FMN2: variants seen among roughly 807,000 people sequenced by gnomAD.
FMN2 encodes the protein formin-2.
In FMN2, 51 loss-of-function variants were observed where a neutral mutation model predicts 142.3. The ratio of observed to expected loss-of-function variants is 0.36; its 90% CI spans 0.29 to 0.45. The LOEUF is 0.45. FMN2 is among the 20% of genes least tolerant of loss of function. The probability of loss-of-function intolerance (pLI) is 1.00; values close to 1 mark genes in which losing one functional copy is unlikely to be tolerated. For missense variants in FMN2, 1,936 were observed against 2,122.8 expected (o/e 0.91, Z 1.73); for synonymous variants, 882 against 869.8 (o/e 1.01, Z -0.25).
Position 240,093,228 on chromosome 1 carries a change from C to T in FMN2, c.1119C>T (p.Asp373=). The T allele has an allele frequency of 1.3e-6, 2 of 1,533,360 alleles. No homozygotes were observed. Among genetic ancestry groups the T allele is most frequent in the Non-Finnish European group, 1.8e-6 (2 of 1,141,938 alleles). The allele number at this position is 1,533,360 out of a possible 1,614,324, so 95.0% of individuals were successfully genotyped here. Reference sequence around the variant, plus strand: ...AGTGGGCCCCGGAGGTGGGAGAGGACGCCCCGCAGAGGCTGGGGGAAGAGC... The same window carrying T: ...AGTGGGCCCCGGAGGTGGGAGAGGATGCCCCGCAGAGGCTGGGGGAAGAGC... ...GEEWAPEVGE[D]APQRLGEEPE... is the part of the protein sequence containing the mutation. The change falls in exon 1 of 18, where the codon GAC becomes GAT. Residue 373 remains aspartate (D), a synonymous_variant. Coordinates refer to ENST00000319653, the MANE Select transcript of FMN2 (RefSeq NM_020066.5).
At chr1:240,313,214 C>A (rs1423847894) in intron 8 of FMN2, among the ~76,000 whole-genome samples, 1 of 152,222 alleles carries the variant, frequency 6.6e-6, no homozygotes, top group African/African-American at 2.4e-5. Flanking sequence ...GTTCTCCATT[C>A]TACCCATCCG....
intron 15 of FMN2, among the ~76,000 whole-genome samples, chr1:240,407,267 A>G (rs1323504081): frequency 6.6e-6 from 1 of 151,972 alleles, no homozygotes; most frequent in African/African-American, 2.4e-5. Flanking sequence ...CCTCCAGAGT[A>G]GCTGCGATTA....
chr1:240,116,327 G>A (rs1228955303), intron 1 of FMN2, among the ~76,000 whole-genome samples: 1 of 152,122 alleles, frequency 6.6e-6, no homozygotes, highest in Non-Finnish European at 1.5e-5. Context: ...AGGTCTGCCC[G>A]GTTTCAAAGA....
chr1:240,300,763 C>T (rs569640357), intron 8 of FMN2, among the ~76,000 whole-genome samples: 4 of 152,076 alleles, frequency 2.6e-5, no homozygotes, highest in Admixed American at 6.6e-5. Context: ...TATTTGGAAT[C>T]GTTTTTTCTC....
chr1:240,200,587 C>T (rs1355217751), intron 4 of FMN2, among the ~76,000 whole-genome samples: 2 of 152,128 alleles, frequency 1.3e-5, no homozygotes, highest in East Asian at 3.9e-4. Context: ...CCTTATTTTA[C>T]AGGCTAGTCA....
chr1:240,225,415 G>T (rs1038891365), intron 6 of FMN2, among the ~76,000 whole-genome samples: 26 of 152,192 alleles, frequency 1.7e-4, no homozygotes, highest in African/African-American at 5.8e-4. Flanking sequence ...CCATTCAGGG[G>T]TGACCCATAG....
intron 1 of FMN2, among the ~76,000 whole-genome samples, chr1:240,116,059 A>G (rs1274672930): frequency 2.0e-5 from 3 of 152,190 alleles, no homozygotes; most frequent in Non-Finnish European, 4.4e-5. Context: ...TAGTATGCTA[A>G]TGATTATCTT....
At chr1:240,317,284 C>G (rs1030562004) in intron 8 of FMN2, among the ~76,000 whole-genome samples, 1 of 150,128 alleles carries the variant, frequency 6.7e-6, no homozygotes, top group Admixed American at 6.7e-5. Flanking sequence ...CCACTGCACT[C>G]CAGCCTGGGG....
intron 16 of FMN2, among the ~76,000 whole-genome samples, chr1:240,462,037 A>G (rs552545996): frequency 9.2e-5 from 14 of 152,148 alleles, no homozygotes; most frequent in African/African-American, 3.4e-4. Context: ...TCAATGAGAC[A>G]CTCTTTAAAA....
At chr1:240,116,848 C>A (rs1662043979) in intron 1 of FMN2, among the ~76,000 whole-genome samples, 1 of 152,092 alleles carries the variant, frequency 6.6e-6, no homozygotes, top group African/African-American at 2.4e-5. Context: ...TTAGAGCAGA[C>A]TGAGCAAGGA....
At chr1:240,428,913 G>A (rs1316306759) in intron 15 of FMN2, among the ~76,000 whole-genome samples, 1 of 152,118 alleles carries the variant, frequency 6.6e-6, no homozygotes, top group Non-Finnish European at 1.5e-5. Flanking sequence ...ATTGTCTTCA[G>A]TACAGGAGGC....
At chr1:240,337,220 T>C (rs866208411) in intron 13 of FMN2, among the ~76,000 whole-genome samples, 1,778 of 147,664 alleles carry the variant, frequency 0.012, 63 homozygotes, top group African/African-American at 0.043. Flanking sequence ...TTTTTTTTTT[T>C]TTTTTTTTAA....
intron 13 of FMN2, among the ~76,000 whole-genome samples, chr1:240,336,582 A>AAAAAAAAAAGG (rs144682452): frequency 9.8e-6 from 1 of 101,842 alleles, no homozygotes; most frequent in Non-Finnish European, 2.0e-5. Context: ...AAAAAAAAAA[A>AAAAAAAAAAGG]GGTGGTTGCA....
At chr1:240,193,431 G>A (rs1665791827) in intron 4 of FMN2, among the ~76,000 whole-genome samples, 2 of 152,216 alleles carry the variant, frequency 1.3e-5, no homozygotes, top group South Asian at 4.1e-4. Flanking sequence ...TTAACAAAAA[G>A]GGTGAAGGTT....
chr1:240,420,788 G>A lies in FMN2; in HGVS notation c.4911-17273G>A, dbSNP rs369415741. On this transcript the variant is annotated intron_variant, in intron 15 of 17. Coordinates refer to ENST00000319653, the MANE Select transcript of FMN2 (RefSeq NM_020066.5). ...ACATTCCCACACAGGACAGGGGGCC[G>A]GTAAGAGAACCTGTCCCAGAACTCC... Among the ~76,000 whole-genome samples the A allele has an allele frequency of 7.9e-5, 12 of 152,274 alleles. No individual in the cohort carries two copies. In the East Asian group the frequency reaches 1.5e-3, roughly 20 times the overall value.
At chr1:240,304,765 C>T (rs536439852) in intron 8 of FMN2, among the ~76,000 whole-genome samples, 17 of 152,312 alleles carry the variant, frequency 1.1e-4, no homozygotes, top group Non-Finnish European at 2.1e-4. Context: ...GAGGTTGGCT[C>T]ACTTTGGCTC....
At chr1:240,211,489 G>A (rs1034596661) in intron 6 of FMN2, among the ~76,000 whole-genome samples, 7 of 152,106 alleles carry the variant, frequency 4.6e-5, no homozygotes, top group Admixed American at 2.6e-4. Flanking sequence ...CAAAATATCC[G>A]CCATTGTTTC....
chr1:240,117,897 C>T lies in FMN2; in HGVS notation c.1616-5282C>T, dbSNP rs145530011. On this transcript the variant is annotated intron_variant, in intron 1 of 17. Transcript: ENST00000319653. ...GACTTACATAAATTCAAGGGCTAAG[C>T]TCTCTGAAGAATAAAGTGGATAATG... Among the ~76,000 whole-genome samples, 25 of 152,276 alleles carry T rather than the reference C, an allele frequency of 1.6e-4. 1 individual carries two copies. In the East Asian group the frequency reaches 1.9e-3, roughly 12 times the overall value.
intron 15 of FMN2, among the ~76,000 whole-genome samples, chr1:240,393,455 C>T (rs1324997631): frequency 2.0e-5 from 3 of 152,130 alleles, no homozygotes. Context: ...GTTCCACCAA[C>T]CATCTGTTCC....
Sources: allele counts gnomAD v4.1 joint callset (sites outside exome capture counted in the v4.1 genomes callset), GRCh38; gene constraint gnomAD v4.1.1; transcripts MANE v1.5; gene names NCBI Gene and HGNC (gene_info 2026-07-23, HGNC 2026-07-21).